BANK1: variants seen among roughly 807,000 people sequenced by gnomAD.
BANK1 encodes B cell scaffold protein with ankyrin repeats 1.
BANK1 carries 95 observed loss-of-function variants against 94.5 expected under a neutral mutation model. The observed-to-expected ratio is 1.00, with a 90% CI of 0.85 to 1.19. BANK1 has a LOEUF of 1.19. Among genes scored for constraint, BANK1 ranks in the 50% most tolerant of loss-of-function variants. The pLI is 0.00. For synonymous variants in BANK1, 334 were observed against 308.4 expected, an observed-to-expected ratio of 1.08 and a Z score of -0.87; for missense variants, 987 against 932.2, an observed-to-expected ratio of 1.06 and a Z score of -0.77.
intron 5 of BANK1, among the ~76,000 whole-genome samples, chr4:101,895,067 T>C (rs1048049155): frequency 6.6e-6 from 1 of 151,856 alleles, no homozygotes; most frequent in African/African-American, 2.4e-5. Flanking sequence ...TCCAAAGTTA[T>C]AGTTTCTTAT....
chr4:101,858,655 T>C (rs953271885), intron 3 of BANK1, among the ~76,000 whole-genome samples: 11 of 152,214 alleles, frequency 7.2e-5, no homozygotes, highest in South Asian at 2.1e-4. Context: ...GCTATCCTGA[T>C]GTTAAGATAG....
At chr4:101,917,355 A>T (rs1722860099) in intron 6 of BANK1, among the ~76,000 whole-genome samples, 1 of 152,010 alleles carries the variant, frequency 6.6e-6, no homozygotes, top group Non-Finnish European at 1.5e-5. Flanking sequence ...TTACAGTGAT[A>T]TAAAATTAAT....
chr4:101,903,781 C>T (rs935871488), intron 6 of BANK1, among the ~76,000 whole-genome samples: 2 of 152,092 alleles, frequency 1.3e-5, no homozygotes, highest in Admixed American at 6.6e-5. Flanking sequence ...TTAGTTGATC[C>T]CTACGTATGG....
chr4:102,028,450 T>A (rs1727175747), intron 9 of BANK1, among the ~76,000 whole-genome samples: 1 of 152,220 alleles, frequency 6.6e-6, no homozygotes, highest in Non-Finnish European at 1.5e-5. Flanking sequence ...ATTATCTTAA[T>A]CTCGCCTCAT....
intron 3 of BANK1, among the ~76,000 whole-genome samples, chr4:101,862,303 G>A (rs1239205427): frequency 1.3e-5 from 2 of 151,832 alleles, no homozygotes; most frequent in African/African-American, 4.8e-5. Context: ...TATGGCATTA[G>A]AGGGAAAAAA....
intron 5 of BANK1, among the ~76,000 whole-genome samples, chr4:101,887,354 CTA>C (rs906710955): frequency 5.9e-5 from 9 of 152,278 alleles, no homozygotes; most frequent in East Asian, 1.9e-4. Flanking sequence ...AATAAACAGA[CTA>C]TGTGTTTTGT....
At chr4:101,918,304 A>G (rs923369043) in intron 7 of BANK1, 115 bp downstream of exon 7, 1 of 543,284 alleles carries the variant, frequency 1.8e-6, no homozygotes, top group African/African-American at 1.9e-5. Context: ...TAGTTAAGGC[A>G]CTATTAGGCA....
intron 3 of BANK1, among the ~76,000 whole-genome samples, chr4:101,857,605 ACT>A (rs1727723211): frequency 6.6e-6 from 1 of 151,974 alleles, no homozygotes; most frequent in Admixed American, 6.6e-5. Context: ...CTGCCTTGTC[ACT>A]CTTCCTAGCA....
intron 3 of BANK1, among the ~76,000 whole-genome samples, chr4:101,855,798 G>A (rs1727657107): frequency 6.6e-6 from 1 of 152,146 alleles, no homozygotes; most frequent in Non-Finnish European, 1.5e-5. Flanking sequence ...ACATTAAGTG[G>A]AAATACCATA....
At chr4:102,064,966 G>T (rs922389298) in intron 13 of BANK1, among the ~76,000 whole-genome samples, 8 of 152,164 alleles carry the variant, frequency 5.3e-5, no homozygotes, top group African/African-American at 1.9e-4. Context: ...AGCCTAAGAG[G>T]TCCATGGGAA....
intron 6 of BANK1, among the ~76,000 whole-genome samples, chr4:101,914,215 A>G (rs960530975): frequency 6.6e-6 from 1 of 151,994 alleles, no homozygotes; most frequent in Admixed American, 6.6e-5. Flanking sequence ...AACCATTCCC[A>G]GTTTGGATTT....
At chr4:101,924,331 C>T (rs553205439) in intron 7 of BANK1, among the ~76,000 whole-genome samples, 2 of 103,734 alleles carry the variant, frequency 1.9e-5, no homozygotes, top group South Asian at 6.8e-4. Flanking sequence ...TTGTAATTCT[C>T]AGGAATAACT....
intron 7 of BANK1, among the ~76,000 whole-genome samples, chr4:101,960,383 A>T (rs1006087876): frequency 1.3e-5 from 2 of 152,130 alleles, no homozygotes. Flanking sequence ...AGTAAGAATG[A>T]CTGGGCCACT....
chr4:101,855,247 G>A, intron 3 of BANK1, 58 bp downstream of exon 3: 2 of 1,507,108 alleles, frequency 1.3e-6, no homozygotes, highest in Non-Finnish European at 9.0e-7. Context: ...GGTGGTGGTG[G>A]TTGTTGTTGT....
chr4:101,932,635 T>A (rs1421625), intron 7 of BANK1, among the ~76,000 whole-genome samples: 7 of 151,408 alleles, frequency 4.6e-5, no homozygotes, highest in Non-Finnish European at 7.4e-5. Flanking sequence ...ATATGCCATC[T>A]GCTAAATGTC....
At chr4:101,998,502 T>G (rs754939065) in intron 7 of BANK1, among the ~76,000 whole-genome samples, 1 of 152,208 alleles carries the variant, frequency 6.6e-6, no homozygotes, top group Non-Finnish European at 1.5e-5. Context: ...CTGTCTACTA[T>G]TGACAGTGGA....
intron 5 of BANK1, among the ~76,000 whole-genome samples, chr4:101,890,328 C>A (rs1320536117): frequency 3.3e-5 from 5 of 151,938 alleles, no homozygotes; most frequent in East Asian, 3.8e-4. Context: ...TTTTCCTTCA[C>A]ATTTTTTGAA....
chr4:101,935,100 A>G lies in BANK1; in HGVS notation c.1206+16911A>G, dbSNP rs189257545. Among the ~76,000 whole-genome samples the G allele has an allele frequency of 5.8e-3, 876 of 151,488 alleles. 8 individuals are homozygous for G. Among genetic ancestry groups the G allele is most frequent in the African/African-American group, 0.02 (815 of 41,390 alleles). ...ATGGTACCCTTTATTGTCTGCCTTT[A>G]CCTCACCCCAACCCATCCCCAGAAT... On this transcript the variant is annotated intron_variant, in intron 7 of 16. Transcript: ENST00000322953.
At chr4:102,021,159 G>GA (rs11412036) in intron 7 of BANK1, among the ~76,000 whole-genome samples, 139,949 of 152,150 alleles carry the variant, frequency 0.92, 64,524 homozygotes, top group Non-Finnish European at 0.94. Flanking sequence ...AAAAGATATA[G>GA]AATGTTCAAA....
Sources: allele counts gnomAD v4.1 joint callset (sites outside exome capture counted in the v4.1 genomes callset), GRCh38; gene constraint gnomAD v4.1.1; transcripts MANE v1.5; gene names NCBI Gene and HGNC (gene_info 2026-07-23, HGNC 2026-07-21).